The following ZPLD1 variants were observed in gnomAD, a reference collection of about 807,000 sequenced individuals.
The protein encoded by ZPLD1 is zona pellucida-like domain-containing protein 1.
ZPLD1 carries 34 observed loss-of-function variants against 47.2 expected under a neutral mutation model. The observed-to-expected ratio is 0.72, with a 90% CI of 0.55 to 0.96. The LOEUF (loss-of-function observed/expected upper bound fraction) is 0.96. Among genes scored for constraint, ZPLD1 ranks in the 40% least tolerant of loss-of-function variants. The pLI, the probability that ZPLD1 is intolerant of heterozygous loss-of-function variation, is 0.00. For synonymous variants in ZPLD1, 176 were observed against 186.2 expected (o/e 0.95, Z 0.45); for missense variants, 512 against 505.8 (o/e 1.01, Z -0.12).
chr3:102,474,269 C>T (rs1463211320), intron 10 of ZPLD1, among the ~76,000 whole-genome samples: 3 of 152,290 alleles, frequency 2.0e-5, no homozygotes, highest in African/African-American at 4.8e-5. Flanking sequence ...TCTAAAGGCA[C>T]CAACACCAGA....
chr3:102,463,397 T>G (rs932387304), intron 7 of ZPLD1, among the ~76,000 whole-genome samples: 1 of 152,250 alleles, frequency 6.6e-6, no homozygotes, highest in Admixed American at 6.5e-5. Context: ...CAAAAAGCTA[T>G]TGTTTATAGT....
chr3:102,457,385 A>C (rs1056210720), intron 5 of ZPLD1, among the ~76,000 whole-genome samples: 4 of 152,182 alleles, frequency 2.6e-5, no homozygotes, highest in African/African-American at 9.7e-5. Context: ...TCAATTTATC[A>C]TTTACCTACT....
At chr3:102,437,202 C>T (rs1305027668) in intron 2 of ZPLD1, among the ~76,000 whole-genome samples, 1 of 152,174 alleles carries the variant, frequency 6.6e-6, no homozygotes, top group African/African-American at 2.4e-5. Flanking sequence ...TATGGCTGTT[C>T]TCTCCAAAGT....
chr3:102,448,739 T>C (rs1452637340), intron 3 of ZPLD1, among the ~76,000 whole-genome samples: 2 of 152,222 alleles, frequency 1.3e-5, no homozygotes, highest in East Asian at 3.9e-4. Flanking sequence ...CTGGTCACAG[T>C]AATCATTTGC....
chr3:102,461,579 CA>C (rs1455309988), intron 6 of ZPLD1, among the ~76,000 whole-genome samples: 1 of 151,996 alleles, frequency 6.6e-6, no homozygotes, highest in Non-Finnish European at 1.5e-5. Flanking sequence ...GTGTTTGTCT[CA>C]AAAGCTGAAT....
chr3:102,460,155 T>TAGCATTC (rs1707484121), intron 6 of ZPLD1, among the ~76,000 whole-genome samples: 1 of 152,064 alleles, frequency 6.6e-6, no homozygotes, highest in Admixed American at 6.5e-5. Context: ...AATTTTATTG[T>TAGCATTC]AGCATTCCAA....
intron 9 of ZPLD1, among the ~76,000 whole-genome samples, chr3:102,469,733 C>T (rs1156911295): frequency 6.6e-6 from 1 of 152,018 alleles, no homozygotes; most frequent in African/African-American, 2.4e-5. Context: ...AGATTGTGGC[C>T]AGATGGTCGG....
At chr3:102,476,491 T>C (rs1707759777) in intron 10 of ZPLD1, among the ~76,000 whole-genome samples, 1 of 152,174 alleles carries the variant, frequency 6.6e-6, no homozygotes, top group African/African-American at 2.4e-5. Context: ...TTTCATATAG[T>C]TATTAAGTGT....
At chr3:102,397,269 A>G (rs572074824) in intron 7 of ZPLD1, among the ~76,000 whole-genome samples, 1 of 152,218 alleles carries the variant, frequency 6.6e-6, no homozygotes, top group East Asian at 1.9e-4. Context: ...CAATGGGGAG[A>G]GCTCCCACAC....
chr3:102,446,745 G>T (rs1422557217), intron 3 of ZPLD1, among the ~76,000 whole-genome samples: 2 of 152,010 alleles, frequency 1.3e-5, no homozygotes, highest in Admixed American at 6.6e-5. Context: ...ACACCTCTTT[G>T]CTACCAAGAC....
intron 4 of ZPLD1, 53 bp from the exon 5 acceptor site, chr3:102,456,140 C>T: frequency 6.8e-7 from 1 of 1,473,042 alleles, no homozygotes; most frequent in Non-Finnish European, 9.2e-7. Flanking sequence ...TATGAAGTGC[C>T]TAGATGTATA....
intron 3 of ZPLD1, among the ~76,000 whole-genome samples, chr3:102,439,391 G>A (rs939012502): frequency 6.6e-6 from 1 of 152,142 alleles, no homozygotes; most frequent in East Asian, 1.9e-4. Context: ...GATAAAGTGC[G>A]ATTTCTACAA....
intron 6 of ZPLD1, among the ~76,000 whole-genome samples, chr3:102,459,369 T>A (rs1476759684): frequency 6.6e-6 from 1 of 152,084 alleles, no homozygotes; most frequent in Non-Finnish European, 1.5e-5. Flanking sequence ...AACTGAAAAA[T>A]ATGATCCATA....
intron 8 of ZPLD1, among the ~76,000 whole-genome samples, chr3:102,423,925 C>T (rs536922295): frequency 1.3e-5 from 2 of 152,152 alleles, no homozygotes; most frequent in Admixed American, 6.6e-5. Flanking sequence ...AGCTGTAGAT[C>T]ACATACTCCA....
At chr3:102,457,301 A>G (rs141741396) in intron 5 of ZPLD1, among the ~76,000 whole-genome samples, 279 of 152,322 alleles carry the variant, frequency 1.8e-3, no homozygotes, top group Non-Finnish European at 3.2e-3. Context: ...ACAGGGAAGC[A>G]TCTCTCACTC....
intron 3 of ZPLD1, among the ~76,000 whole-genome samples, chr3:102,451,236 T>C (rs1707332766): frequency 6.6e-6 from 1 of 152,212 alleles, no homozygotes; most frequent in Non-Finnish European, 1.5e-5. Context: ...CTATTGAACA[T>C]TTCTACTGTT....
At chr3:102,408,052 T>C (rs1431610485) in intron 7 of ZPLD1, among the ~76,000 whole-genome samples, 1 of 151,876 alleles carries the variant, frequency 6.6e-6, no homozygotes, top group Non-Finnish European at 1.5e-5. Flanking sequence ...GAAAGTGCTT[T>C]ATGTTATTAT....
chr3:102,440,591 G>T (rs1189064346), intron 3 of ZPLD1, among the ~76,000 whole-genome samples: 1 of 152,114 alleles, frequency 6.6e-6, no homozygotes, highest in Non-Finnish European at 1.5e-5. Flanking sequence ...GAAATACAGA[G>T]CTGGGTCTGA....
In ZPLD1 at chr3:102,420,246, C is replaced by T. The variant is rs78796525; in HGVS notation, c.-9+2039C>T. On this transcript the variant is annotated intron_variant, in intron 8 of 17. Coordinates refer to the ZPLD1 transcript ENST00000491959. ...GTTTTTTATTGCTAATGGAAAATGG[C>T]CTTTGTCAAGGCTTGCAGAAAAATA... Among the ~76,000 whole-genome samples the T allele has an allele frequency of 7.3e-3, 1,106 of 151,908 alleles. 9 individuals carry two copies. The highest frequency in any genetic ancestry group is 0.025 in the African/African-American group (1,045 of 41,486).
Sources: gnomAD v4.1 joint callset for allele counts (sites outside exome capture counted in the v4.1 genomes callset) on GRCh38, gnomAD v4.1.1 for gene constraint, MANE v1.5 for transcripts, NCBI Gene and HGNC (gene_info 2026-07-23, HGNC 2026-07-21) for gene names.